The following IMMP2L variants were observed in gnomAD, a reference collection of about 807,000 sequenced individuals.
The protein encoded by IMMP2L is mitochondrial inner membrane protease subunit 2.
IMMP2L carries 18 observed loss-of-function variants against 19.3 expected under a neutral mutation model. The observed-to-expected ratio is 0.93, with a 90% CI of 0.64 to 1.38. The LOEUF is 1.38. Ranked by LOEUF, IMMP2L falls within the 40% of genes most tolerant of loss-of-function variation. The probability of loss-of-function intolerance (pLI) is 0.00; values close to 1 mark genes in which losing one functional copy is unlikely to be tolerated. For missense variants in IMMP2L, 233 were observed against 218.2 expected (o/e 1.07, Z -0.43); for synonymous variants, 76 against 73.0 (o/e 1.04, Z -0.21).
chr7:111,332,854 A>G (rs1826011377), intron 3 of IMMP2L, among the ~76,000 whole-genome samples: 1 of 152,140 alleles, frequency 6.6e-6, no homozygotes, highest in African/African-American at 2.4e-5. Context: ...AAATTATTTA[A>G]GCACTTTTTA....
intron 5 of IMMP2L, among the ~76,000 whole-genome samples, chr7:110,759,225 C>T (rs1584743043): frequency 6.6e-6 from 1 of 152,038 alleles, no homozygotes. Flanking sequence ...CTTCTTGTTC[C>T]TATTGTACTC....
intron 3 of IMMP2L, among the ~76,000 whole-genome samples, chr7:111,156,849 G>A (rs1804697317): frequency 1.3e-5 from 2 of 151,652 alleles, no homozygotes; most frequent in Admixed American, 1.3e-4. Context: ...TTTTTTCTGT[G>A]AGGAGGTTTT....
chr7:110,757,427 G>A lies in IMMP2L; in HGVS notation c.409-93706C>T, dbSNP rs1798097978. Reference sequence around the variant, plus strand: ...TACGGTGGGCGAGGGAGGCCTGTATGTGATGTCTTTTATTTGGATCACCAG... The same window carrying A: ...TACGGTGGGCGAGGGAGGCCTGTATATGATGTCTTTTATTTGGATCACCAG... On this transcript the variant is annotated intron_variant, in intron 5 of 5. Transcript: ENST00000405709. The surrounding 1 kb of genome is among the most constrained non-coding windows in gnomAD (Gnocchi z 4.2). Among the ~76,000 whole-genome samples the A allele has an allele frequency of 6.6e-6, 1 of 152,024 alleles. No homozygotes were observed. The highest frequency in any genetic ancestry group is 1.5e-5 in the Non-Finnish European group (1 of 67,988).
intron 5 of IMMP2L, among the ~76,000 whole-genome samples, chr7:110,794,392 T>C (rs994559948): frequency 2.0e-5 from 3 of 152,108 alleles, no homozygotes; most frequent in Non-Finnish European, 4.4e-5. Context: ...AGGAAGCCAG[T>C]CTGAAAAGGC....
At chr7:111,551,628 C>T (rs1563347903) in intron 1 of IMMP2L, among the ~76,000 whole-genome samples, 1 of 151,628 alleles carries the variant, frequency 6.6e-6, no homozygotes, top group East Asian at 1.9e-4. Flanking sequence ...CTAAGGGCTC[C>T]AGTGGCAAAT....
chr7:110,904,127 A>G (rs950128329), intron 4 of IMMP2L, among the ~76,000 whole-genome samples: 2 of 151,662 alleles, frequency 1.3e-5, no homozygotes, highest in Non-Finnish European at 2.9e-5. Context: ...TTAGAGACTA[A>G]CCCCGCATTT....
intron 3 of IMMP2L, among the ~76,000 whole-genome samples, chr7:111,347,675 G>T (rs957204403): frequency 6.6e-6 from 1 of 151,972 alleles, no homozygotes; most frequent in African/African-American, 2.4e-5. Context: ...CAGCTCCAAG[G>T]AGGTTGGGGA....
At chr7:111,221,042 A>T (rs193151742) in intron 3 of IMMP2L, among the ~76,000 whole-genome samples, 21 of 152,112 alleles carry the variant, frequency 1.4e-4, no homozygotes, top group Admixed American at 9.2e-4. Context: ...AAACAACCTA[A>T]AATAATGTTT....
chr7:111,497,268 G>C (rs1416922180), intron 2 of IMMP2L, among the ~76,000 whole-genome samples: 2 of 152,144 alleles, frequency 1.3e-5, no homozygotes, highest in African/African-American at 4.8e-5. Context: ...ACTTGAAAAT[G>C]TCACATTTAA....
At position 111,304,670 on chromosome 7, in the gene IMMP2L, A is replaced by ATGTGTGTGTGTG. The variant is rs147788856; in HGVS notation, c.239+182556_239+182567dup. On this transcript the variant is annotated intron_variant, in intron 3 of 5. Transcript: ENST00000405709. Reference sequence around the variant, plus strand: ...GGGTGTTTATACATACACATATATAATGTGTGTGTGTGTGTGTGTGTGTGT... The same window carrying ATGTGTGTGTGTG: ...GGGTGTTTATACATACACATATATAATGTGTGTGTGTGTGTGTGTGTGTGTGTGTGTGTGTGT... Among the ~76,000 whole-genome samples the ATGTGTGTGTGTG allele has an allele frequency of 1.8e-3, 228 of 126,054 alleles. 5 individuals carry two copies. Among genetic ancestry groups the ATGTGTGTGTGTG allele is most frequent in the East Asian group, 0.014 (55 of 3,994 alleles). 82.7% of individuals were successfully genotyped at this position (126,054 alleles called of 152,430 possible). A position where few individuals can be genotyped will look rare whatever the true frequency, so the allele number is the denominator to read the frequency against.
intron 3 of IMMP2L, among the ~76,000 whole-genome samples, chr7:111,299,573 GAAAA>G (rs71147472): frequency 2.5e-5 from 3 of 118,662 alleles, no homozygotes; most frequent in African/African-American, 9.1e-5. Context: ...AGCTGAAGCA[GAAAA>G]AAAAAAAAAA....
At chr7:110,944,555 G>C (rs1425585565) in intron 4 of IMMP2L, among the ~76,000 whole-genome samples, 1 of 151,906 alleles carries the variant, frequency 6.6e-6, no homozygotes, top group African/African-American at 2.4e-5. Flanking sequence ...GGATTAAAGA[G>C]TATACACTGA....
chr7:110,934,519 A>T (rs1407427243), intron 4 of IMMP2L, among the ~76,000 whole-genome samples: 2 of 152,152 alleles, frequency 1.3e-5, no homozygotes, highest in Non-Finnish European at 2.9e-5. Context: ...CTGATCCCAG[A>T]GACTCTTTGT....
intron 5 of IMMP2L, among the ~76,000 whole-genome samples, chr7:110,862,939 A>C (rs1788144153): frequency 6.6e-6 from 1 of 152,032 alleles, no homozygotes; most frequent in Non-Finnish European, 1.5e-5. Flanking sequence ...CAGATTCCTG[A>C]AGTTCAAGAC....
At chr7:111,519,439 A>T (rs778405614) in intron 2 of IMMP2L, among the ~76,000 whole-genome samples, 1 of 152,172 alleles carries the variant, frequency 6.6e-6, no homozygotes, top group Admixed American at 6.6e-5. Context: ...AAATTCTAAC[A>T]TAATACATTT....
chr7:111,032,657 A>G (rs1413054872), intron 3 of IMMP2L, among the ~76,000 whole-genome samples: 1 of 151,996 alleles, frequency 6.6e-6, no homozygotes, highest in East Asian at 1.9e-4. Flanking sequence ...CCCCCTCCCT[A>G]CTAAAAATAC....
chr7:111,070,240 A>G (rs1741955601), intron 3 of IMMP2L, among the ~76,000 whole-genome samples: 1 of 152,198 alleles, frequency 6.6e-6, no homozygotes, highest in Admixed American at 6.5e-5. Flanking sequence ...ACAAAACTAC[A>G]AAGGGTTGCA....
intron 5 of IMMP2L, among the ~76,000 whole-genome samples, chr7:110,779,175 T>C (rs183229368): frequency 3.0e-4 from 45 of 152,060 alleles, no homozygotes; most frequent in Non-Finnish European, 5.0e-4. Context: ...AAACTGGCCA[T>C]AAGAGTCATT....
At chr7:111,333,100 A>G (rs908934454) in intron 3 of IMMP2L, among the ~76,000 whole-genome samples, 4 of 152,056 alleles carry the variant, frequency 2.6e-5, no homozygotes, top group Non-Finnish European at 5.9e-5. Context: ...CTCCACCAGG[A>G]AAAAAACAAG....
Sources: allele counts gnomAD v4.1 joint callset (sites outside exome capture counted in the v4.1 genomes callset), GRCh38; gene constraint gnomAD v4.1.1; non-coding constraint Gnocchi (gnomAD v3.1); transcripts MANE v1.5; gene names NCBI Gene and HGNC (gene_info 2026-07-23, HGNC 2026-07-21).